NBN: variants seen among roughly 807,000 people sequenced by gnomAD.
The protein encoded by NBN is Nijmegen breakage syndrome 1 (nibrin).
NBN carries 88 observed loss-of-function variants against 90.8 expected under a neutral mutation model. The ratio of observed to expected loss-of-function variants is 0.97; its 90% CI spans 0.82 to 1.16. The LOEUF (loss-of-function observed/expected upper bound fraction) is 1.16. NBN is among the 50% of genes most tolerant of loss of function. The pLI, the probability that NBN is intolerant of heterozygous loss-of-function variation, is 0.00. For missense variants in NBN, 894 were observed against 869.6 expected, an observed-to-expected ratio of 1.03 and a Z score of -0.35; for synonymous variants, 328 against 295.1, an observed-to-expected ratio of 1.11 and a Z score of -1.14.
At chr8:89,981,306 TATC>T (rs1812051814) in intron 3 of NBN, 66 bp downstream of exon 3, 2 of 1,470,946 alleles carry the variant, frequency 1.4e-6, no homozygotes, top group South Asian at 2.3e-5. Context: ...TAATCAGAAA[TATC>T]ATTTTCCTTT....
intron 7 of NBN, among the ~76,000 whole-genome samples, chr8:89,969,117 T>C (rs920306521): frequency 6.6e-6 from 1 of 152,204 alleles, no homozygotes; most frequent in East Asian, 1.9e-4. Context: ...TTTTCAGGCA[T>C]ATAAACACTT....
chr8:89,963,848 G>C (rs193142803), intron 8 of NBN, among the ~76,000 whole-genome samples: 2 of 152,188 alleles, frequency 1.3e-5, no homozygotes, highest in South Asian at 2.1e-4. Flanking sequence ...AAGGCATCAG[G>C]CTCTTTCACA....
intron 12 of NBN, among the ~76,000 whole-genome samples, 170 bp downstream of exon 12, chr8:89,947,653 AT>A (rs1563515801): frequency 6.6e-6 from 1 of 151,980 alleles, no homozygotes; most frequent in Non-Finnish European, 1.5e-5. Context: ...AAACAAATAA[AT>A]AAAATAATAA....
chr8:89,958,985 A>C, intron 8 of NBN, 131 bp from the exon 9 acceptor site: 3 of 1,203,628 alleles, frequency 2.5e-6, no homozygotes, highest in Non-Finnish European at 2.4e-6. Flanking sequence ...GGTTTTCTCC[A>C]ATGAGTGGTA....
At chr8:89,984,409 C>T in intron 1 of NBN, 116 bp downstream of exon 1, 5 of 982,532 alleles carry the variant, frequency 5.1e-6, no homozygotes, top group Non-Finnish European at 7.9e-6. Flanking sequence ...CTTCTGCGAC[C>T]GCTTCCGCAG....
rs995397633 is a variant in NBN at position 89,934,515 on chromosome 8, G to C, written c.*1067C>G. On this transcript the variant is annotated 3_prime_UTR_variant, in exon 16 of 16. Coordinates refer to ENST00000265433, the MANE Select transcript of NBN (RefSeq NM_002485.5). ...CTGGCAAGTAGATGCACTTCCACAA[G>C]ATTTGGAAGGTGAGAGTGATGTAGA... The C allele has an allele frequency of 1.3e-5, 3 of 233,058 alleles. No individual in the cohort carries two copies. The highest frequency in any genetic ancestry group is 5.6e-5 in the Admixed American group (1 of 17,786). 14.4% of individuals were successfully genotyped at this position (233,058 alleles called of 1,614,324 possible). A position where few individuals can be genotyped will look rare whatever the true frequency, so the allele number is the denominator to read the frequency against.
chr8:89,937,363 GC>G (rs1274106876), intron 14 of NBN: 2 of 411,080 alleles, frequency 4.9e-6, no homozygotes, highest in Non-Finnish European at 9.1e-6. Flanking sequence ...ACTCTTTCCA[GC>G]AAAACCCTTT....
chr8:89,969,958 T>TA (rs1196667546), intron 7 of NBN, among the ~76,000 whole-genome samples: 3 of 125,296 alleles, frequency 2.4e-5, no homozygotes, highest in African/African-American at 9.2e-5. Flanking sequence ...CTCAAAAAAA[T>TA]AAAAAATAGG....
chr8:89,936,087 CTTTTTTTTT>C, intron 15 of NBN: 1 of 280,252 alleles, frequency 3.6e-6, no homozygotes, highest in South Asian at 2.7e-5. Flanking sequence ...TCTGTCAACA[CTTTTTTTTT>C]TTTTTTTTTT....
Position 89,980,833 on chromosome 8 carries a change from A to G in NBN, c.381T>C (p.Ala127=), listed in dbSNP as rs61754795. 7,229 of 1,612,660 alleles carry G rather than the reference A, an allele frequency of 4.5e-3. 30 individuals carry two copies. Among genetic ancestry groups the G allele is most frequent in the South Asian group, 6.4e-3 (587 of 91,064 alleles). The part of the protein sequence containing the change: ...SSCLDVSGKT[A]LNQAILQLGG... ...CAAGTTGCAATATAGCTTGATTTAA[A>G]GCAGTTTTCCCAGAGACATCTAAAC... is the stretch of plus-strand genomic sequence containing the variant. Residue 127 remains alanine, a synonymous_variant, in exon 4 of 16, where the codon GCT becomes GCC. Coordinates refer to ENST00000265433, the MANE Select transcript of NBN (RefSeq NM_002485.5).
chr8:89,960,312 A>G (rs1473977000), intron 8 of NBN, among the ~76,000 whole-genome samples: 3 of 152,270 alleles, frequency 2.0e-5, no homozygotes, highest in East Asian at 1.9e-4. Flanking sequence ...TCAGCTGCAC[A>G]TAAGTTTGGA....
intron 11 of NBN, among the ~76,000 whole-genome samples, chr8:89,948,394 A>G (rs1478968238): frequency 2.6e-5 from 4 of 152,216 alleles, no homozygotes; most frequent in South Asian, 2.1e-4. Flanking sequence ...CAAGTTTACA[A>G]TAGTATCTTA....
intron 14 of NBN, among the ~76,000 whole-genome samples, chr8:89,940,929 T>A (rs889181844): frequency 1.6e-4 from 25 of 152,190 alleles, no homozygotes; most frequent in African/African-American, 6.0e-4. Flanking sequence ...CTATTATTAT[T>A]CTCATTCTGC....
intron 9 of NBN, among the ~76,000 whole-genome samples, chr8:89,958,436 A>G (rs905305388): frequency 2.0e-5 from 3 of 152,224 alleles, no homozygotes; most frequent in Non-Finnish European, 4.4e-5. Context: ...GAGACTACGT[A>G]TTGTCTCTTG....
At chr8:89,968,847 A>G (rs1293406215) in intron 7 of NBN, among the ~76,000 whole-genome samples, 2 of 152,190 alleles carry the variant, frequency 1.3e-5, no homozygotes, top group Non-Finnish European at 2.9e-5. Flanking sequence ...GTTTTTCATT[A>G]TATTTCCAGT....
chr8:89,944,492 C>G (rs1297939380), intron 13 of NBN, among the ~76,000 whole-genome samples: 1 of 152,140 alleles, frequency 6.6e-6, no homozygotes, highest in Non-Finnish European at 1.5e-5. Flanking sequence ...CGCTGAGGCA[C>G]CCCTCTGCAT....
At chr8:89,968,191 G>A (rs903342592) in intron 7 of NBN, among the ~76,000 whole-genome samples, 32 of 152,032 alleles carry the variant, frequency 2.1e-4, no homozygotes, top group African/African-American at 7.7e-4. Flanking sequence ...CCTGGGAAGT[G>A]GAGGCTGCAG....
At chr8:89,942,066 C>G (rs6470521) in intron 14 of NBN, among the ~76,000 whole-genome samples, 1 of 151,964 alleles carries the variant, frequency 6.6e-6, no homozygotes, top group African/African-American at 2.4e-5. Flanking sequence ...AATGTCTATA[C>G]GGGGTATGAG....
chr8:89,962,506 T>A (rs1811037493), intron 8 of NBN, among the ~76,000 whole-genome samples: 2 of 152,222 alleles, frequency 1.3e-5, no homozygotes, highest in African/African-American at 4.8e-5. Context: ...GAAGCAGTAG[T>A]TTCTCCAAGA....
Sources: gnomAD v4.1 joint callset for allele counts (sites outside exome capture counted in the v4.1 genomes callset) on GRCh38, gnomAD v4.1.1 for gene constraint, MANE v1.5 for transcripts, NCBI Gene and HGNC (gene_info 2026-07-23, HGNC 2026-07-21) for gene names.